PCGF5: variants seen among roughly 807,000 people sequenced by gnomAD.
PCGF5 encodes polycomb group RING finger protein 5.
In PCGF5, 9 loss-of-function variants were observed where a neutral mutation model predicts 44.3. The observed-to-expected ratio is 0.20, with a 90% CI of 0.12 to 0.35. PCGF5 has a LOEUF of 0.35. Ranked by LOEUF, PCGF5 falls within the 10% of genes least tolerant of loss-of-function variation. PCGF5 has a pLI of 1.00. For missense variants in PCGF5, 146 were observed against 305.3 expected, an observed-to-expected ratio of 0.48 and a Z score of 3.89; for synonymous variants, 95 against 102.5, an observed-to-expected ratio of 0.93 and a Z score of 0.44.
At chr10:91,218,386 G>A (rs1197479258), upstream of PCGF5, among the ~76,000 whole-genome samples, 1 of 151,890 alleles carries the variant, frequency 6.6e-6, no homozygotes, top group East Asian at 1.9e-4. Flanking sequence ...GGTCCCACTG[G>A]TACTTGAGAT....
chr10:91,162,740 C>A (rs1164739518), upstream of PCGF5, among the ~76,000 whole-genome samples: 3 of 150,236 alleles, frequency 2.0e-5, no homozygotes, highest in East Asian at 6.2e-4. Context: ...GCCTGGCGGG[C>A]GGCGGCGAGA....
intron 2 of PCGF5, among the ~76,000 whole-genome samples, chr10:91,224,778 G>A (rs1844772113): frequency 6.6e-6 from 1 of 152,144 alleles, no homozygotes; most frequent in African/African-American, 2.4e-5. Context: ...AGATTATAGG[G>A]CCTCCAACCA....
At chr10:91,217,260 C>T (rs6583760), upstream of PCGF5, among the ~76,000 whole-genome samples, 20,629 of 152,120 alleles carry the variant, frequency 0.14, 2,694 homozygotes, top group African/African-American at 0.34. Flanking sequence ...GTCTCGATCT[C>T]CTGACCTTGT....
At chr10:91,253,579 C>T (rs1845672277) in intron 6 of PCGF5, among the ~76,000 whole-genome samples, 1 of 151,994 alleles carries the variant, frequency 6.6e-6, no homozygotes, top group East Asian at 1.9e-4. Flanking sequence ...GTCTTTCAGC[C>T]AATCAAATAA....
chr10:91,222,735 A>G lies in PCGF5; in HGVS notation c.-137A>G, dbSNP rs1192151529. 1 of 536,898 alleles carries G rather than the reference A, an allele frequency of 1.9e-6. No homozygotes were observed. Among genetic ancestry groups the G allele is most frequent in the Non-Finnish European group, 3.4e-6 (1 of 298,314 alleles). The allele number at this position is 536,898 out of a possible 1,614,324, so 33.3% of individuals were successfully genotyped here. On this transcript the variant is annotated 5_prime_UTR_variant, in exon 2 of 10. The change abolishes an upstream ATG in the 5' untranslated region. Transcript: ENST00000336126. Reference sequence around the variant, plus strand: ...AAAAGGAGTGATGATCAACGATCTCATGATAAATCTGGATGCTAGTTCTCA... The same window carrying G: ...AAAAGGAGTGATGATCAACGATCTCGTGATAAATCTGGATGCTAGTTCTCA...
chr10:91,268,065 T>C (rs1846087858), intron 8 of PCGF5, among the ~76,000 whole-genome samples: 1 of 152,140 alleles, frequency 6.6e-6, no homozygotes, highest in Non-Finnish European at 1.5e-5. Flanking sequence ...CCTTATTGTT[T>C]TGAGATGTCA....
At chr10:91,211,638 T>G (rs978962331) in intron 1 of PCGF5, among the ~76,000 whole-genome samples, 2 of 152,170 alleles carry the variant, frequency 1.3e-5, no homozygotes, top group African/African-American at 4.8e-5. Flanking sequence ...GTAGAAAGGC[T>G]GGAAGAATGA....
At chr10:91,226,289 TAAAAAAAA>T (rs66465569) in intron 2 of PCGF5, among the ~76,000 whole-genome samples, 3 of 75,144 alleles carry the variant, frequency 4.0e-5, no homozygotes, top group East Asian at 8.1e-4. Flanking sequence ...TTAAGAAATG[TAAAAAAAA>T]AAAAAAAAAA....
At chr10:91,222,246 G>A (rs191702700) in intron 1 of PCGF5, among the ~76,000 whole-genome samples, 21 of 152,110 alleles carry the variant, frequency 1.4e-4, no homozygotes, top group Non-Finnish European at 2.5e-4. Flanking sequence ...AGAGCAGCCG[G>A]GCATGGAATA....
chr10:91,191,386 A>G (rs576790876), intron 1 of PCGF5, among the ~76,000 whole-genome samples: 1 of 152,300 alleles, frequency 6.6e-6, no homozygotes, highest in Admixed American at 6.5e-5. Flanking sequence ...GGGATGATTC[A>G]CCACAGAGAG....
At position 91,255,927 on chromosome 10, in the gene PCGF5, T is replaced by G. The variant is rs559776785; in HGVS notation, c.474+4487T>G. 8.5e-5 allele frequency among the ~76,000 whole-genome samples: 13 copies of G among 152,242 alleles called. No homozygotes were observed. In the East Asian group the frequency reaches 2.5e-3, roughly 29 times the overall value. On this transcript the variant is annotated intron_variant, in intron 6 of 9. Transcript: ENST00000336126. ...ATACTTTAAATCATCTCTAGATTAC[T>G]TGTAATACCTAATACAATGCAAATG...
In PCGF5 at chr10:91,279,530, A is replaced by T. The variant is rs1411563781; in HGVS notation, c.*1214A>T. On this transcript the variant is annotated 3_prime_UTR_variant, in exon 10 of 10. Transcript: ENST00000336126. Reference sequence around the variant, plus strand: ...AAATACAAAATGTCCTGTATTTTGCAGTTTTGTTAAGTCTTCCATTCGTTT... The same window carrying T: ...AAATACAAAATGTCCTGTATTTTGCTGTTTTGTTAAGTCTTCCATTCGTTT... 6.6e-6 allele frequency: 1 copy of T among 152,146 alleles called. No homozygotes were observed. The highest frequency in any genetic ancestry group is 1.5e-5 in the Non-Finnish European group (1 of 67,978). The allele number at this position is 152,146 out of a possible 1,614,324, so 9.4% of individuals were successfully genotyped here.
chr10:91,200,752 T>C (rs551926213), intron 1 of PCGF5, among the ~76,000 whole-genome samples: 41 of 152,276 alleles, frequency 2.7e-4, no homozygotes, highest in African/African-American at 9.9e-4. Flanking sequence ...TTGTGGTCAT[T>C]GGACAGTGGG....
intron 7 of PCGF5, among the ~76,000 whole-genome samples, chr10:91,262,595 T>C (rs1845949763): frequency 6.6e-6 from 1 of 152,206 alleles, no homozygotes. Context: ...AGGTATTATG[T>C]CCATGTTTTG....
chr10:91,171,319 T>G (rs1843600681), intron 1 of PCGF5, among the ~76,000 whole-genome samples: 1 of 151,970 alleles, frequency 6.6e-6, no homozygotes, highest in Non-Finnish European at 1.5e-5. Flanking sequence ...AATGGGTTGG[T>G]TTTTTTATAT....
intron 2 of PCGF5, among the ~76,000 whole-genome samples, chr10:91,233,898 C>G (rs890830791): frequency 6.6e-6 from 1 of 152,122 alleles, no homozygotes; most frequent in African/African-American, 2.4e-5. Context: ...AGGAAGTCAG[C>G]CTTTGGTCAG....
At chr10:91,248,769 G>A in intron 5 of PCGF5, 45 bp downstream of exon 5, 1 of 1,496,794 alleles carries the variant, frequency 6.7e-7, no homozygotes, top group Non-Finnish European at 9.2e-7. Flanking sequence ...TCTTAAACTG[G>A]TCAGCTTTTC....
At chr10:91,248,419 T>G (rs1845527057) in intron 3 of PCGF5, 86 bp from the exon 4 acceptor site, 1 of 1,191,336 alleles carries the variant, frequency 8.4e-7, no homozygotes, top group South Asian at 1.2e-5. Flanking sequence ...TTTTGTAACA[T>G]GTATAAGATT....
chr10:91,271,770 A>G, intron 9 of PCGF5, 73 bp downstream of exon 9: 1 of 1,281,094 alleles, frequency 7.8e-7, no homozygotes, highest in East Asian at 2.3e-5. Context: ...CCCAAACTCA[A>G]TTCCTAAGAC....
Sources: allele counts gnomAD v4.1 joint callset (sites outside exome capture counted in the v4.1 genomes callset), GRCh38; gene constraint gnomAD v4.1.1; transcripts MANE v1.5; gene names NCBI Gene and HGNC (gene_info 2026-07-23, HGNC 2026-07-21).